The following ITGA3 variants were observed in gnomAD, a reference collection of about 807,000 sequenced individuals.
ITGA3 encodes integrin subunit alpha 3, also known as integrin alpha-3.
Under a neutral mutation model 131.1 loss-of-function variants are expected in ITGA3, and 70 were observed. The observed-to-expected ratio is 0.53, with a 90% CI of 0.44 to 0.65. The LOEUF (loss-of-function observed/expected upper bound fraction) is 0.65. Among genes scored for constraint, ITGA3 ranks in the 30% least tolerant of loss-of-function variants. The pLI is 0.00. For synonymous variants in ITGA3, 537 were observed against 571.6 expected (o/e 0.94, Z 0.86); for missense variants, 1,098 against 1,388.6 (o/e 0.79, Z 3.33).
chr17:50,064,355 G>A lies in ITGA3; in HGVS notation c.334+151G>A. 1.7e-6 allele frequency: 2 copies of A among 1,148,332 alleles called. No individual in the cohort carries two copies. The highest frequency in any genetic ancestry group is 1.2e-6 in the Non-Finnish European group (1 of 810,008). 71.1% of individuals were successfully genotyped at this position (1,148,332 alleles called of 1,614,324 possible). A position where few individuals can be genotyped will look rare whatever the true frequency, so the allele number is the denominator to read the frequency against. ...GGAAGAGGGTGCCCTAGAGGAGAGT[G>A]GGGCTGGATGGGATTGGTAGAGCTC... On this transcript the variant is annotated intron_variant, in intron 2 of 25. Transcript: ENST00000320031. The surrounding 1 kb of genome is among the most constrained non-coding windows in gnomAD (Gnocchi z 4.4).
chr17:50,056,186 G>GC lies in ITGA3; in HGVS notation c.-251dup, dbSNP rs1471623539. Reference sequence around the variant, plus strand: ...GGCCGGGACAAGCTGGGGGCCGGTTGCCCGGGGCAGGGACGGCGGCGACCC... The same window carrying GC: ...GGCCGGGACAAGCTGGGGGCCGGTTGCCCCGGGGCAGGGACGGCGGCGACCC... On this transcript the variant is annotated 5_prime_UTR_variant, in exon 1 of 26. Transcript: ENST00000320031. The surrounding 1 kb of genome is among the most constrained non-coding windows in gnomAD (Gnocchi z 5.6). 1.7e-4 allele frequency: 69 copies of GC among 411,214 alleles called. No homozygotes were observed. The highest frequency in any genetic ancestry group is 2.4e-4 in the Non-Finnish European group (55 of 233,754). The allele number at this position is 411,214 out of a possible 1,614,324, so 25.5% of individuals were successfully genotyped here. A position where few individuals can be genotyped will look rare whatever the true frequency, so the allele number is the denominator to read the frequency against.
chr17:50,076,549 G>T (rs772192241), intron 13 of ITGA3, 35 bp from the exon 14 acceptor site: 13 of 1,608,000 alleles, frequency 8.1e-6, no homozygotes, highest in Non-Finnish European at 1.0e-5. Context: ...ACTGGGGGGG[G>T]TGGTGCGGCC....
At chr17:50,057,788 T>C (rs1907899725) in intron 1 of ITGA3, among the ~76,000 whole-genome samples, 1 of 152,194 alleles carries the variant, frequency 6.6e-6, no homozygotes, top group Non-Finnish European at 1.5e-5. Context: ...GGCTGGGGCC[T>C]GCAGAGCTTG....
At chr17:50,075,779 G>A in intron 12 of ITGA3, 44 bp downstream of exon 12, 1 of 1,605,990 alleles carries the variant, frequency 6.2e-7, no homozygotes, top group African/African-American at 1.3e-5. Flanking sequence ...CCAGGTCCCT[G>A]GAGGAGGTGG....
intron 3 of ITGA3, among the ~76,000 whole-genome samples, chr17:50,066,668 G>C (rs1160735694): frequency 6.6e-6 from 1 of 152,046 alleles, no homozygotes; most frequent in Admixed American, 6.6e-5. Context: ...CCAGCTGCCT[G>C]GGAGGCTGAG....
In ITGA3 at chr17:50,088,095, ACAC is replaced by A. The variant is rs1393479705; in HGVS notation, c.3046-124_3046-122del. On this transcript the variant is annotated intron_variant, in intron 24 of 25. Transcript: ENST00000320031. ...GACCCAGGAGCTCTGGCTTCTGACC[ACAC>A]CACCAAGCTGGGACTGAGCCCCAGC... 12 of 1,325,084 alleles carry A rather than the reference ACAC, an allele frequency of 9.1e-6. No individual in the cohort carries two copies. In the East Asian group the frequency reaches 2.8e-4, roughly 31 times the overall value. 82.1% of individuals were successfully genotyped at this position (1,325,084 alleles called of 1,614,324 possible).
At position 50,076,629 on chromosome 17, in the gene ITGA3, A is replaced by T. The variant is rs1036907220; in HGVS notation, c.1870A>T (p.Asn624Tyr). 1 of 1,613,586 alleles carries T rather than the reference A, an allele frequency of 6.2e-7. No individual in the cohort carries two copies. Among genetic ancestry groups the T allele is most frequent in the Non-Finnish European group, 8.5e-7 (1 of 1,179,952 alleles). ...ECGPDNKCES[N>Y]LQMRAAFVSE... ...CGGGCCTGACAACAAGTGTGAGAGCAACTTGCAGATGCGGGCAGCCTTCGT... is the reference window on the plus strand; with the variant it reads ...CGGGCCTGACAACAAGTGTGAGAGCTACTTGCAGATGCGGGCAGCCTTCGT... Residue 624 changes from asparagine to tyrosine, a missense_variant, in exon 14 of 26, where the codon AAC (asparagine) becomes TAC (tyrosine). Asn to Tyr is a moderately radical substitution (Grantham distance 143, BLOSUM62 -2). Around this residue, in one of 3 missense-constraint regions of ITGA3, gnomAD observed 699 missense variants for 829.2 expected, o/e 0.84. Coordinates refer to ENST00000320031, the MANE Select transcript of ITGA3 (RefSeq NM_002204.4).
intron 4 of ITGA3, among the ~76,000 whole-genome samples, chr17:50,068,861 T>TATTTA (rs3059822): frequency 1.4e-5 from 2 of 142,934 alleles, no homozygotes; most frequent in Non-Finnish European, 3.1e-5. Context: ...TTTATTTATT[T>TATTTA]TTTTGAGACA....
At chr17:50,077,601 G>A (rs1834881374) in intron 16 of ITGA3, among the ~76,000 whole-genome samples, 154 bp downstream of exon 16, 1 of 152,176 alleles carries the variant, frequency 6.6e-6, no homozygotes, top group Admixed American at 6.5e-5. Flanking sequence ...AGGGTGAGAA[G>A]AGGCCCAGAA....
At chr17:50,088,473 G>A in intron 25 of ITGA3, 107 bp downstream of exon 25, 2 of 617,452 alleles carry the variant, frequency 3.2e-6, no homozygotes, top group South Asian at 1.9e-5. Flanking sequence ...ACCTCATTCT[G>A]TCCCCACCAC....
At chr17:50,073,626 A>ACACACACACACACG (rs1555555001) in intron 7 of ITGA3, among the ~76,000 whole-genome samples, 3 of 134,052 alleles carry the variant, frequency 2.2e-5, no homozygotes, top group African/African-American at 8.3e-5. Flanking sequence ...ACACACACAC[A>ACACACACACACACG]CACACACGCA....
chr17:50,065,699 C>CTTT (rs1165769341), intron 3 of ITGA3: 4 of 150,270 alleles, frequency 2.7e-5, no homozygotes, highest in African/African-American at 9.8e-5. Context: ...CTCTCTCTCT[C>CTTT]TCTTTTCTTT....
rs200319164 is a variant in ITGA3, at chr17:50,079,516, A to C, written c.2665A>C (p.Thr889Pro). 5 of 1,567,570 alleles carry C rather than the reference A, an allele frequency of 3.2e-6. No homozygotes were observed. In the East Asian group the frequency reaches 1.1e-4, roughly 35 times the overall value. ...PGGGQGPPPV[T>P]LAAAKKAKSE... ...GGGAGGCCAGGGCCCCCCACCTGTC[A>C]CTCTGGCTGCTGCCAAAAAAGCCAA... Residue 889 changes from threonine (T) to proline (P), a missense_variant, in exon 21 of 26, where the codon ACT (threonine) becomes CCT (proline). Physicochemically the swap from Thr to Pro is conservative, Grantham distance 38. Around this residue, in one of 3 missense-constraint regions of ITGA3, gnomAD observed 699 missense variants for 829.2 expected, o/e 0.84. Transcript: ENST00000320031.
In ITGA3 at chr17:50,075,650, G is replaced by A. The variant is rs779109438; in HGVS notation, c.1589G>A (p.Arg530His). 2.8e-5 allele frequency: 45 copies of A among 1,614,056 alleles called. No individual in the cohort carries two copies. Among genetic ancestry groups the A allele is most frequent in the Middle Eastern group, 1.6e-4 (1 of 6,084 alleles). The stretch of plus-strand genomic sequence containing the variant: ...AGGGACCGCCGGCCGCCCCGGCTCC[G>A]CTTTGCCGGCAGTGAGTCCGCTGTC... ...ADRDRRPPRLRFAGSESAVFH... is the reference protein window; with the variant it reads ...ADRDRRPPRLHFAGSESAVFH... Residue 530 changes from arginine to histidine, a missense_variant, in exon 12 of 26, where the codon CGC becomes CAC. Physicochemically the swap from Arg to His is conservative, Grantham distance 29. Around this residue, in one of 3 missense-constraint regions of ITGA3, gnomAD observed 699 missense variants for 829.2 expected, o/e 0.84. Coordinates refer to ENST00000320031, the MANE Select transcript of ITGA3 (RefSeq NM_002204.4).
chr17:50,061,767 C>T (rs368608825), intron 1 of ITGA3, among the ~76,000 whole-genome samples: 8 of 152,284 alleles, frequency 5.3e-5, no homozygotes, highest in East Asian at 1.9e-4. Flanking sequence ...CAGCCAGGCA[C>T]GGTGGCTCAC....
chr17:50,087,719 C>A, intron 23 of ITGA3, 25 bp from the exon 24 acceptor site: 1 of 1,604,450 alleles, frequency 6.2e-7, no homozygotes, highest in Admixed American at 1.7e-5. Flanking sequence ...TGACACAGGG[C>A]TGAGTCCTCC....
rs776970761 is a variant in ITGA3 at position 50,074,294 on chromosome 17, C to A, written c.1382+14C>A. On this transcript the variant is annotated intron_variant, in intron 9 of 25. Coordinates refer to ENST00000320031, the MANE Select transcript of ITGA3 (RefSeq NM_002204.4). ...TGTGCTGCTGCGGTGAGCCAGGAGG[C>A]CAGTGAATAAGGGTCTTTCTCTTCT... The A allele has an allele frequency of 6.2e-7, 1 of 1,613,386 alleles. No individual in the cohort carries two copies. The highest frequency in any genetic ancestry group is 1.1e-5 in the South Asian group (1 of 90,934).
intron 3 of ITGA3, among the ~76,000 whole-genome samples, chr17:50,067,544 C>T (rs1908398847): frequency 6.6e-6 from 1 of 152,228 alleles, no homozygotes; most frequent in Admixed American, 6.5e-5. Context: ...ATCATTCCTA[C>T]ACCATAGGGT....
At chr17:50,057,053 A>G (rs2144248989) in intron 1 of ITGA3, among the ~76,000 whole-genome samples, 1 of 152,306 alleles carries the variant, frequency 6.6e-6, no homozygotes, top group Admixed American at 6.5e-5. Context: ...AAATGAGCAT[A>G]TACATTTAAG....
Sources: allele counts gnomAD v4.1 joint callset (sites outside exome capture counted in the v4.1 genomes callset), GRCh38; gene constraint gnomAD v4.1.1; regional missense constraint gnomAD v4.1.1; non-coding constraint Gnocchi (gnomAD v3.1); transcripts MANE v1.5; gene names NCBI Gene and HGNC (gene_info 2026-07-23, HGNC 2026-07-21).